Variants in SPON2 observed in about 807,000 individuals in gnomAD.
SPON2 encodes the protein spondin 2.
A neutral mutation model predicts 29.9 loss-of-function variants in SPON2; 32 were observed. The observed-to-expected ratio is 1.07, with a 90% CI of 0.81 to 1.44. The LOEUF (loss-of-function observed/expected upper bound fraction) is 1.44. SPON2 is among the 40% of genes most tolerant of loss of function. The probability of loss-of-function intolerance (pLI) is 0.00; values close to 1 mark genes in which losing one functional copy is unlikely to be tolerated. For missense variants in SPON2, 541 were observed against 455.5 expected (o/e 1.19, Z -1.71); for synonymous variants, 248 against 209.1 (o/e 1.19, Z -1.61).
chr4:1,171,104 C>T lies in SPON2; in HGVS notation c.531G>A (p.Arg177=), dbSNP rs1169964955. The change falls in exon 4 of 6, where the codon CGG becomes CGA. Residue 177 remains arginine (R), a synonymous_variant. Coordinates refer to ENST00000290902, the MANE Select transcript of SPON2 (RefSeq NM_012445.4). ...GGTACAGGTCCAGCGCCGCCTGTTC[C>T]CGCCAACGGTCCCCGTCGCACAGGT... The part of the protein sequence containing the change: ...SLDLCDGDRW[R]EQAALDLYPY... The T allele has an allele frequency of 2.6e-6, 4 of 1,550,876 alleles. No homozygotes were observed. Among genetic ancestry groups the T allele is most frequent in the Admixed American group, 3.9e-5 (2 of 51,062 alleles).
At chr4:1,179,811 A>G (rs1454063230) in intron 1 of SPON2, among the ~76,000 whole-genome samples, 1 of 152,202 alleles carries the variant, frequency 6.6e-6, no homozygotes, top group East Asian at 1.9e-4. Flanking sequence ...GTGGTTCCCT[A>G]GAAGACACCA....
upstream of SPON2, among the ~76,000 whole-genome samples, chr4:1,177,788 C>G (rs900837963): frequency 3.9e-5 from 6 of 152,152 alleles, no homozygotes; most frequent in Non-Finnish European, 5.9e-5. Context: ...CAGGCCTGGC[C>G]CAGCAGCATG....
intron 1 of SPON2, among the ~76,000 whole-genome samples, chr4:1,206,408 G>C (rs999304559): frequency 6.6e-6 from 1 of 152,258 alleles, no homozygotes; most frequent in African/African-American, 2.4e-5. Flanking sequence ...GCTCTGCCAG[G>C]GCAGGGGGAG....
chr4:1,194,489 C>T (rs999277854), intron 1 of SPON2, among the ~76,000 whole-genome samples: 15 of 152,248 alleles, frequency 9.9e-5, no homozygotes, highest in Non-Finnish European at 2.2e-4. Flanking sequence ...GAAGCCGGGC[C>T]GCGGTAGCGC....
chr4:1,192,216 T>G (rs1366564227), intron 1 of SPON2, among the ~76,000 whole-genome samples: 2 of 152,202 alleles, frequency 1.3e-5, no homozygotes, highest in Non-Finnish European at 2.9e-5. Context: ...CCACATGCTT[T>G]AGCACAGAGA....
At chr4:1,192,571 A>T (rs1232319279) in intron 1 of SPON2, among the ~76,000 whole-genome samples, 1 of 152,206 alleles carries the variant, frequency 6.6e-6, no homozygotes, top group African/African-American at 2.4e-5. Context: ...TGGAAAGGGC[A>T]GCGGGAGCAG....
chr4:1,172,005 C>G lies in SPON2; in HGVS notation c.67G>C (p.Gly23Arg), dbSNP rs1245385952. The G allele has an allele frequency of 5.0e-6, 8 of 1,612,688 alleles. No homozygotes were observed. Among genetic ancestry groups the G allele is most frequent in the Non-Finnish European group, 6.8e-6 (8 of 1,179,880 alleles). ...ALCALLLATL[G>R]AAGQPLGGES... The stretch of plus-strand genomic sequence containing the variant: ...CCCCCAAGAGGCTGGCCGGCGGCGC[C>G]GAGAGTGGCCAGGAGGAGAGCGCAG... Residue 23 changes from glycine to arginine, a missense_variant, in exon 2 of 6, where the codon GGC (glycine) becomes CGC (arginine). Coordinates refer to ENST00000290902, the MANE Select transcript of SPON2 (RefSeq NM_012445.4).
chr4:1,196,173 G>A (rs1560211425), upstream of SPON2, among the ~76,000 whole-genome samples: 1 of 152,222 alleles, frequency 6.6e-6, no homozygotes, highest in Non-Finnish European at 1.5e-5. Flanking sequence ...CCTCAGTCAG[G>A]GCTCATGGGG....
At chr4:1,190,290 AAAAC>A (rs891660800) in intron 1 of SPON2, among the ~76,000 whole-genome samples, 2 of 151,950 alleles carry the variant, frequency 1.3e-5, no homozygotes, top group African/African-American at 2.4e-5. Context: ...AGGAAAAAAA[AAAAC>A]AAACAAAAAA....
At chr4:1,169,308 G>A (rs547763508) in intron 5 of SPON2, among the ~76,000 whole-genome samples, 4 of 152,160 alleles carry the variant, frequency 2.6e-5, no homozygotes, top group Admixed American at 2.6e-4. Context: ...TAAGTGGCTC[G>A]GGGACATCTG....
At chr4:1,183,239 T>TC (rs1727731751) in intron 1 of SPON2, among the ~76,000 whole-genome samples, 1 of 13,010 alleles carries the variant, frequency 7.7e-5, no homozygotes, top group African/African-American at 1.8e-4. Context: ...TGAAACTCCA[T>TC]CAAAAAAAAA....
upstream of SPON2, among the ~76,000 whole-genome samples, chr4:1,176,718 C>G (rs1227366159): frequency 1.3e-5 from 2 of 152,092 alleles, no homozygotes; most frequent in East Asian, 3.9e-4. Context: ...ATCATCCACA[C>G]AGTACATTGA....
intron 1 of SPON2, among the ~76,000 whole-genome samples, chr4:1,206,194 A>C (rs1008722534): frequency 7.2e-5 from 11 of 152,212 alleles, no homozygotes; most frequent in African/African-American, 2.4e-4. Context: ...CCTGCTCCTC[A>C]TGTGTGCCCC....
upstream of SPON2, chr4:1,172,896 CT>C (rs1325013900): frequency 3.0e-4 from 2 of 6,568 alleles, no homozygotes; most frequent in Admixed American, 1.7e-3. Flanking sequence ...CTCCCCTCCC[CT>C]CCTCCCCTCC....
chr4:1,202,386 G>A lies in SPON2; in HGVS notation c.-234+5494C>T, dbSNP rs572273734. 3.9e-5 allele frequency among the ~76,000 whole-genome samples: 6 copies of A among 152,192 alleles called. No individual in the cohort carries two copies. The highest frequency in any genetic ancestry group is 5.9e-5 in the Non-Finnish European group (4 of 68,028). On this transcript the variant is annotated intron_variant, in intron 1 of 3. Transcript: ENST00000509233. The surrounding 1 kb of genome is among the most constrained non-coding windows in gnomAD (Gnocchi z 5.4). The stretch of plus-strand genomic sequence containing the variant: ...AGTTTCAGCCTGAGCTTTAGAGGAC[G>A]GAAACGTTCCAACCACGGCACTGCA...
intron 1 of SPON2, among the ~76,000 whole-genome samples, chr4:1,205,867 A>G (rs1290857932): frequency 1.3e-5 from 2 of 152,148 alleles, no homozygotes; most frequent in African/African-American, 4.8e-5. Flanking sequence ...AGAAAGGTCC[A>G]GGAGGGGCCT....
chr4:1,176,601 CCATT>C (rs1560204598), upstream of SPON2, among the ~76,000 whole-genome samples: 2,794 of 118,472 alleles, frequency 0.024, 103 homozygotes, highest in African/African-American at 0.099. Flanking sequence ...ATTCAATCAT[CCATT>C]CACACAGTAC....
At chr4:1,203,015 C>T (rs1249749269) in intron 1 of SPON2, among the ~76,000 whole-genome samples, 1 of 152,182 alleles carries the variant, frequency 6.6e-6, no homozygotes, top group African/African-American at 2.4e-5. Context: ...ATTCTGTCCT[C>T]AGGGCCCTTA....
At chr4:1,183,998 G>T (rs1727748132) in intron 1 of SPON2, among the ~76,000 whole-genome samples, 1 of 152,182 alleles carries the variant, frequency 6.6e-6, no homozygotes, top group African/African-American at 2.4e-5. Context: ...GTTATTTTGA[G>T]ACAGGGTCTC....
Sources: gnomAD v4.1 joint callset for allele counts (sites outside exome capture counted in the v4.1 genomes callset) on GRCh38, gnomAD v4.1.1 for gene constraint, Gnocchi (gnomAD v3.1) non-coding constraint, MANE v1.5 for transcripts, NCBI Gene and HGNC (gene_info 2026-07-23, HGNC 2026-07-21) for gene names.